CDYL2: variants seen among roughly 807,000 people sequenced by gnomAD.
CDYL2 encodes chromodomain Y like 2.
CDYL2 carries 23 observed loss-of-function variants against 49.4 expected under a neutral mutation model. That is an observed-to-expected ratio of 0.47 (90% CI 0.34 to 0.66). The LOEUF is 0.66. CDYL2 is among the 30% of genes least tolerant of loss of function. The pLI is 0.01. For missense variants in CDYL2, 678 were observed against 656.4 expected, an observed-to-expected ratio of 1.03 and a Z score of -0.36; for synonymous variants, 360 against 268.8, an observed-to-expected ratio of 1.34 and a Z score of -3.32.
chr16:80,771,036 T>A (rs1378620279), intron 1 of CDYL2, among the ~76,000 whole-genome samples: 1 of 152,146 alleles, frequency 6.6e-6, no homozygotes, highest in Non-Finnish European at 1.5e-5. Context: ...GGGTAAATGG[T>A]AAGTAACCCA....
intron 1 of CDYL2, among the ~76,000 whole-genome samples, chr16:80,746,233 A>G (rs546989287): frequency 6.6e-6 from 1 of 152,266 alleles, no homozygotes; most frequent in Admixed American, 6.5e-5. Flanking sequence ...CTAAAATCCA[A>G]CTCTGTCTGA....
rs550486339 is a variant in CDYL2 at position 80,732,036 on chromosome 16, G to A, written c.25-46907C>T. On this transcript the variant is annotated intron_variant, in intron 1 of 6. Transcript: ENST00000570137. Reference sequence around the variant, plus strand: ...ACAGGATAGAAATTTTCTGGCCAAGGATAGTGCAAGGCTCTGTATTCACAG... The same window carrying A: ...ACAGGATAGAAATTTTCTGGCCAAGAATAGTGCAAGGCTCTGTATTCACAG... 1.3e-3 allele frequency among the ~76,000 whole-genome samples: 194 copies of A among 152,260 alleles called. No homozygotes were observed. In the Middle Eastern group the frequency reaches 0.014, roughly 11 times the overall value.
chr16:80,778,649 C>G (rs1412640443), intron 1 of CDYL2, among the ~76,000 whole-genome samples: 1 of 151,902 alleles, frequency 6.6e-6, no homozygotes, highest in East Asian at 1.9e-4. Context: ...CAACTTTATC[C>G]AAAGTTACGT....
At chr16:80,622,073 G>A (rs1907107014) in intron 3 of CDYL2, among the ~76,000 whole-genome samples, 1 of 152,194 alleles carries the variant, frequency 6.6e-6, no homozygotes. Context: ...AGTGTTAGAG[G>A]TGGATTTGAG....
In CDYL2 at chr16:80,702,706, T is replaced by G. The variant is rs551028674; in HGVS notation, c.25-17577A>C. On this transcript the variant is annotated intron_variant, in intron 1 of 6. Coordinates refer to ENST00000570137, the MANE Select transcript of CDYL2 (RefSeq NM_152342.4). ...GCAAGGTTGCAGTGGGCTATGATCG[T>G]ACCACTGCATTCCAGCCTGGGTGAC... Among the ~76,000 whole-genome samples, 8 of 152,302 alleles carry G rather than the reference T, an allele frequency of 5.3e-5. No individual in the cohort carries two copies. The South Asian group carries it at 1.7e-3, about 32-fold the overall frequency.
Position 80,600,433 on chromosome 16 carries a change from A to C in CDYL2, c.*3955T>G, listed in dbSNP as rs1597114685. On this transcript the variant is annotated 3_prime_UTR_variant, in exon 7 of 7. Transcript: ENST00000570137. ...TTGCAGAAATAACTAAGCAACACTT[A>C]TCTACAACAAAAATATACATGCAAG... The C allele has an allele frequency of 6.6e-6, 1 of 152,340 alleles. No homozygotes were observed. The highest frequency in any genetic ancestry group is 1.5e-5 in the Non-Finnish European group (1 of 68,022). The allele number at this position is 152,340 out of a possible 1,614,324, so 9.4% of individuals were successfully genotyped here.
At chr16:80,760,883 A>C (rs531506841) in intron 1 of CDYL2, among the ~76,000 whole-genome samples, 1 of 152,200 alleles carries the variant, frequency 6.6e-6, no homozygotes, top group Admixed American at 6.5e-5. Context: ...CCTGATGTTG[A>C]GCTGTCTCTT....
intron 2 of CDYL2, among the ~76,000 whole-genome samples, chr16:80,641,908 TA>T (rs554451715): frequency 0.039 from 5,246 of 135,384 alleles, 290 homozygotes; most frequent in African/African-American, 0.13. Flanking sequence ...AATAAAAAAA[TA>T]AAAAAAAAAA....
At chr16:80,804,662 C>G (rs1208320494), upstream of CDYL2, among the ~76,000 whole-genome samples, 1 of 146,066 alleles carries the variant, frequency 6.8e-6, no homozygotes, top group Admixed American at 6.7e-5. Flanking sequence ...GGGGCTGCTG[C>G]CCGGCCGCGC....
intron 6 of CDYL2, among the ~76,000 whole-genome samples, chr16:80,605,454 G>T (rs181129772): frequency 2.4e-4 from 36 of 148,368 alleles, no homozygotes; most frequent in African/African-American, 8.6e-4. Flanking sequence ...TTACTATGAT[G>T]ATTACTACCA....
In CDYL2 at chr16:80,767,876, C is replaced by G. The variant is rs139326260; in HGVS notation, c.24+36274G>C. On this transcript the variant is annotated intron_variant, in intron 1 of 6. Coordinates refer to ENST00000570137, the MANE Select transcript of CDYL2 (RefSeq NM_152342.4). ...ACCAAGTGGCACCTTGTTCACTGTG[C>G]AGTGTCACAGTCTCGCCTCTGTCTG... 4.4e-4 allele frequency among the ~76,000 whole-genome samples: 67 copies of G among 152,304 alleles called. No individual in the cohort carries two copies. In the Middle Eastern group the frequency reaches 0.01, roughly 23 times the overall value.
chr16:80,609,369 A>G (rs535448891), intron 5 of CDYL2, among the ~76,000 whole-genome samples: 25 of 151,942 alleles, frequency 1.6e-4, no homozygotes, highest in Middle Eastern at 6.8e-3. Flanking sequence ...AATGCCAGGC[A>G]CTCTCAGGCC....
At chr16:80,802,473 C>T (rs1451835619) in intron 1 of CDYL2, among the ~76,000 whole-genome samples, 3 of 152,208 alleles carry the variant, frequency 2.0e-5, no homozygotes, top group Admixed American at 6.5e-5. Context: ...ATTGTTCCAC[C>T]ATCTTGAAAC....
At chr16:80,786,972 G>A (rs977800343) in intron 1 of CDYL2, among the ~76,000 whole-genome samples, 1 of 152,060 alleles carries the variant, frequency 6.6e-6, no homozygotes, top group Non-Finnish European at 1.5e-5. Context: ...TAATGTAGGT[G>A]ACGGGTTGAT....
intron 2 of CDYL2, among the ~76,000 whole-genome samples, chr16:80,646,694 C>T (rs1047636026): frequency 4.6e-5 from 7 of 152,070 alleles, no homozygotes; most frequent in Non-Finnish European, 1.0e-4. Context: ...GAGGCTGAGG[C>T]AGGAGAATTG....
chr16:80,754,113 C>G (rs1906228451), intron 1 of CDYL2, among the ~76,000 whole-genome samples: 1 of 152,198 alleles, frequency 6.6e-6, no homozygotes, highest in Non-Finnish European at 1.5e-5. Context: ...CCCTATTTTA[C>G]AAGCTCAACA....
intron 2 of CDYL2, among the ~76,000 whole-genome samples, chr16:80,637,310 C>T (rs1027819490): frequency 3.3e-5 from 5 of 152,064 alleles, no homozygotes; most frequent in African/African-American, 7.2e-5. Context: ...TCTTACTTAG[C>T]GGTGAGAAAT....
intron 1 of CDYL2, among the ~76,000 whole-genome samples, chr16:80,699,617 T>C (rs964016680): frequency 1.2e-4 from 18 of 152,180 alleles, no homozygotes; most frequent in African/African-American, 4.1e-4. Context: ...AAGGTGAATA[T>C]AGTTAACAAA....
At position 80,648,080 on chromosome 16, in the gene CDYL2, A is replaced by G. The variant is rs574690698; in HGVS notation, c.617-14844T>C. On this transcript the variant is annotated intron_variant, in intron 2 of 6. Coordinates refer to ENST00000570137, the MANE Select transcript of CDYL2 (RefSeq NM_152342.4). ...AAAGAAGAAAAACTTCAAATAAACAACCTAACAATGCATCTTAAAGAACAA... is the reference window on the plus strand; with the variant it reads ...AAAGAAGAAAAACTTCAAATAAACAGCCTAACAATGCATCTTAAAGAACAA... Among the ~76,000 whole-genome samples, 4 of 152,216 alleles carry G rather than the reference A, an allele frequency of 2.6e-5. No homozygotes were observed. In the East Asian group the frequency reaches 7.7e-4, roughly 29 times the overall value.
Sources: gnomAD v4.1 joint callset for allele counts (sites outside exome capture counted in the v4.1 genomes callset) on GRCh38, gnomAD v4.1.1 for gene constraint, MANE v1.5 for transcripts, NCBI Gene and HGNC (gene_info 2026-07-23, HGNC 2026-07-21) for gene names.